R3HCC1L: variants seen among roughly 807,000 people sequenced by gnomAD.
R3HCC1L encodes the protein R3H domain and coiled-coil containing 1 like, also known as coiled-coil domain-containing protein R3HCC1L.
Under a neutral mutation model 59.9 loss-of-function variants are expected in R3HCC1L, and 51 were observed. The observed-to-expected ratio is 0.85, with a 90% CI of 0.68 to 1.07. The LOEUF (loss-of-function observed/expected upper bound fraction) is 1.07, where lower values mean the gene tolerates loss of function less well. Among genes scored for constraint, R3HCC1L ranks in the 50% least tolerant of loss-of-function variants. The probability of loss-of-function intolerance (pLI) is 0.00; values close to 1 mark genes in which losing one functional copy is unlikely to be tolerated. For synonymous variants in R3HCC1L, 322 were observed against 315.2 expected (o/e 1.02, Z -0.23); for missense variants, 965 against 933.0 (o/e 1.03, Z -0.45).
intron 1 of R3HCC1L, among the ~76,000 whole-genome samples, chr10:98,154,430 G>A (rs1318722251): frequency 2.0e-5 from 3 of 152,134 alleles, no homozygotes; most frequent in Admixed American, 6.5e-5. Context: ...TATGTGTTGG[G>A]TACCTGCATT....
At chr10:98,137,685 G>T (rs1422064335) in intron 1 of R3HCC1L, among the ~76,000 whole-genome samples, 1 of 152,016 alleles carries the variant, frequency 6.6e-6, no homozygotes, top group African/African-American at 2.4e-5. Context: ...ATTGGGCTTT[G>T]CTGTGTTTCT....
In R3HCC1L at chr10:98,134,672, C is replaced by T. The variant is rs556478299; in HGVS notation, c.-302C>T. On this transcript the variant is annotated 5_prime_UTR_variant, in exon 1 of 10. Coordinates refer to ENST00000298999, the MANE Select transcript of R3HCC1L (RefSeq NM_001351015.2). ...CGCGAGCGGAAGAGATAGAGCTTCG[C>T]GGAGACGGCGGAAGCGGAGAGCAAC... The T allele has an allele frequency of 3.3e-5, 5 of 152,390 alleles. No individual in the cohort carries two copies. The highest frequency in any genetic ancestry group is 3.9e-4 in the East Asian group (2 of 5,170). The allele number at this position is 152,390 out of a possible 1,614,324, so 9.4% of individuals were successfully genotyped here.
At chr10:98,188,913 A>G (rs183317358) in intron 4 of R3HCC1L, among the ~76,000 whole-genome samples, 2 of 152,304 alleles carry the variant, frequency 1.3e-5, no homozygotes, top group Non-Finnish European at 2.9e-5. Flanking sequence ...GAATTGGACT[A>G]GTAATAATTC....
intron 5 of R3HCC1L, among the ~76,000 whole-genome samples, chr10:98,230,580 G>A (rs956551355): frequency 6.6e-6 from 1 of 152,092 alleles, no homozygotes; most frequent in African/African-American, 2.4e-5. Flanking sequence ...GTCTCCTTCA[G>A]TTCTGCTCTG....
chr10:98,198,575 C>G (rs1851711179), intron 4 of R3HCC1L, among the ~76,000 whole-genome samples: 1 of 151,012 alleles, frequency 6.6e-6, no homozygotes, highest in Non-Finnish European at 1.5e-5. Flanking sequence ...GGGAAAAATG[C>G]TTCTAAATTT....
intron 1 of R3HCC1L, among the ~76,000 whole-genome samples, chr10:98,149,895 C>T (rs552084610): frequency 6.6e-6 from 1 of 152,258 alleles, no homozygotes; most frequent in African/African-American, 2.4e-5. Flanking sequence ...ATGATCTGTC[C>T]TTTACTGAGA....
intron 9 of R3HCC1L, among the ~76,000 whole-genome samples, chr10:98,236,400 T>G (rs1050772983): frequency 6.6e-6 from 1 of 152,170 alleles, no homozygotes; most frequent in Non-Finnish European, 1.5e-5. Context: ...TTCCAAGAGA[T>G]AGGTTTGGTC....
intron 4 of R3HCC1L, among the ~76,000 whole-genome samples, chr10:98,189,847 A>T (rs1850642611): frequency 6.6e-6 from 1 of 152,336 alleles, no homozygotes; most frequent in African/African-American, 2.4e-5. Context: ...TATATCACAC[A>T]CAAGTGCCTC....
chr10:98,221,043 GT>G (rs1386236398), intron 5 of R3HCC1L, among the ~76,000 whole-genome samples: 1 of 149,316 alleles, frequency 6.7e-6, no homozygotes, highest in Non-Finnish European at 1.5e-5. Flanking sequence ...AGCACCTGTT[GT>G]TTCCTGACTT....
intron 9 of R3HCC1L, among the ~76,000 whole-genome samples, chr10:98,243,365 C>T (rs1857747761): frequency 6.6e-6 from 1 of 152,190 alleles, no homozygotes; most frequent in African/African-American, 2.4e-5. Context: ...GGTATTGTGG[C>T]ACCTAAAGGA....
chr10:98,173,135 A>G (rs1361153153), intron 4 of R3HCC1L, among the ~76,000 whole-genome samples: 2 of 152,180 alleles, frequency 1.3e-5, no homozygotes, highest in Non-Finnish European at 2.9e-5. Context: ...ATGAAAGGAA[A>G]GAAAATGTAG....
At chr10:98,231,030 C>A in intron 5 of R3HCC1L, 1 of 423,000 alleles carries the variant, frequency 2.4e-6, no homozygotes, top group South Asian at 1.7e-5. Flanking sequence ...TTAATACATT[C>A]AACAAAAAGT....
intron 5 of R3HCC1L, among the ~76,000 whole-genome samples, chr10:98,216,901 TG>T (rs2135397491): frequency 1.3e-5 from 2 of 152,308 alleles, no homozygotes; most frequent in East Asian, 3.9e-4. Context: ...TTGTTAAGCA[TG>T]CATTTGGACA....
Position 98,235,533 on chromosome 10 carries a change from T to C in R3HCC1L, c.2128+13T>C. 2.5e-6 allele frequency: 4 copies of C among 1,587,350 alleles called. No homozygotes were observed. Among genetic ancestry groups the C allele is most frequent in the Non-Finnish European group, 3.4e-6 (4 of 1,166,992 alleles). On this transcript the variant is annotated intron_variant, in intron 8 of 9. Transcript: ENST00000298999. ...AGAGCTTATGCTGGTGAGTCTATAA[T>C]CTCTGGGTTTTTTTCTTGCTGATGG... is the stretch of plus-strand genomic sequence containing the variant.
chr10:98,219,159 G>A (rs1434541980), intron 5 of R3HCC1L, among the ~76,000 whole-genome samples: 2 of 152,184 alleles, frequency 1.3e-5, no homozygotes. Flanking sequence ...TGATCCACCT[G>A]CCTTGGCCTC....
chr10:98,170,613 A>G (rs1370653627), intron 4 of R3HCC1L, among the ~76,000 whole-genome samples: 1 of 152,200 alleles, frequency 6.6e-6, no homozygotes, highest in Non-Finnish European at 1.5e-5. Flanking sequence ...TGCGTGAGCC[A>G]CTGTGCCTGG....
At position 98,211,382 on chromosome 10, in the gene R3HCC1L, A is replaced by G. The variant is rs1329837619; in HGVS notation, c.1785+1483A>G. The G allele has an allele frequency of 5.9e-6, 9 of 1,512,892 alleles. No homozygotes were observed. The East Asian group carries it at 7.4e-5, about 12-fold the overall frequency. 93.7% of individuals were successfully genotyped at this position (1,512,892 alleles called of 1,614,324 possible). A position where few individuals can be genotyped will look rare whatever the true frequency, so the allele number is the denominator to read the frequency against. On this transcript the variant is annotated intron_variant, in intron 5 of 9. Coordinates refer to ENST00000298999, the MANE Select transcript of R3HCC1L (RefSeq NM_001351015.2). ...CTTAAATCTATATCAGAATGTGAGT[A>G]GGGAACTGCAAATGACTGTCAGCCC...
intron 6 of R3HCC1L, among the ~76,000 whole-genome samples, chr10:98,233,749 C>G (rs1856632077): frequency 6.6e-6 from 1 of 152,134 alleles, no homozygotes; most frequent in African/African-American, 2.4e-5. Context: ...CTTAAATGTT[C>G]ATTCTTTTGA....
At chr10:98,138,021 A>G (rs1844762817) in intron 1 of R3HCC1L, among the ~76,000 whole-genome samples, 1 of 152,146 alleles carries the variant, frequency 6.6e-6, no homozygotes, top group Non-Finnish European at 1.5e-5. Context: ...TGGCATTGGT[A>G]TGTATGTATC....
Sources: allele counts gnomAD v4.1 joint callset (sites outside exome capture counted in the v4.1 genomes callset), GRCh38; gene constraint gnomAD v4.1.1; transcripts MANE v1.5; gene names NCBI Gene and HGNC (gene_info 2026-07-23, HGNC 2026-07-21).